Variants in DLC1 observed in about 807,000 individuals in gnomAD.
The protein encoded by DLC1 is DLC1 Rho GTPase activating protein.
A neutral mutation model predicts 140.3 loss-of-function variants in DLC1; 54 were observed. The observed-to-expected ratio is 0.38, with a 90% CI of 0.31 to 0.48. The LOEUF (loss-of-function observed/expected upper bound fraction) is 0.48. DLC1 is among the 20% of genes least tolerant of loss of function. DLC1 has a pLI of 0.96. For missense variants in DLC1, 2,536 were observed against 1,907.0 expected (o/e 1.33, Z -6.14); for synonymous variants, 986 against 728.1 (o/e 1.35, Z -5.70).
chr8:13,323,593 G>A (rs993481151), intron 4 of DLC1, among the ~76,000 whole-genome samples: 1 of 152,006 alleles, frequency 6.6e-6, no homozygotes, highest in Admixed American at 6.6e-5. Context: ...AGTGAAAGTA[G>A]GAACTATATA....
At chr8:13,441,880 A>G (rs889624451) in intron 2 of DLC1, among the ~76,000 whole-genome samples, 28 of 152,186 alleles carry the variant, frequency 1.8e-4, no homozygotes, top group Non-Finnish European at 1.0e-4. Flanking sequence ...GAACCAAAAA[A>G]GGGCCTGCAT....
chr8:13,200,116 C>T (rs576233534), intron 5 of DLC1, among the ~76,000 whole-genome samples: 47 of 152,286 alleles, frequency 3.1e-4, no homozygotes, highest in African/African-American at 1.1e-3. Flanking sequence ...GATCTCTGCT[C>T]ACTGCAACCT....
At chr8:13,158,729 A>AACCC (rs1824438267) in intron 5 of DLC1, among the ~76,000 whole-genome samples, 1 of 20,156 alleles carries the variant, frequency 5.0e-5, no homozygotes, top group Non-Finnish European at 1.0e-4. Flanking sequence ...CACAACCACC[A>AACCC]CCCTCCCCCC....
intron 1 of DLC1, among the ~76,000 whole-genome samples, chr8:13,579,978 T>C (rs1585298034): frequency 1.3e-5 from 2 of 152,192 alleles, no homozygotes; most frequent in African/African-American, 2.4e-5. Context: ...GTATCAGTCA[T>C]GGACTATGCT....
chr8:13,499,617 G>C lies in DLC1; in HGVS notation c.455C>G (p.Pro152Arg). The C allele has an allele frequency of 6.2e-7, 1 of 1,614,104 alleles. No individual in the cohort carries two copies. The highest frequency in any genetic ancestry group is 8.5e-7 in the Non-Finnish European group (1 of 1,180,006). The change falls in exon 2 of 18, where the codon CCC (proline) becomes CGC (arginine). Residue 152 changes from proline to arginine, a missense_variant. Physicochemically the swap from Pro to Arg is moderately radical, Grantham distance 103. Transcript: ENST00000276297. ...AGAAACTTGGTTACTTTGTATGATG[G>C]GCAGTGCCTTTTCTAAGGAGCCTGC... ...QGAGSLEKAL[P>R]IIQSNQVSSN... is the part of the protein sequence containing the mutation.
intron 5 of DLC1, chr8:13,304,733 C>T (rs1832346898): frequency 7.3e-6 from 7 of 960,300 alleles, no homozygotes; most frequent in Non-Finnish European, 7.4e-6. Context: ...TTTCATTTCT[C>T]ATCAGTCCTT....
chr8:13,121,342 C>T (rs1425534654), intron 5 of DLC1, among the ~76,000 whole-genome samples: 2 of 152,124 alleles, frequency 1.3e-5, no homozygotes, highest in Non-Finnish European at 2.9e-5. Context: ...CTTATCAATT[C>T]TGATGACATC....
intron 2 of DLC1, among the ~76,000 whole-genome samples, chr8:13,458,043 G>A (rs923026690): frequency 6.6e-6 from 1 of 152,162 alleles, no homozygotes; most frequent in Admixed American, 6.5e-5. Context: ...GAAAAACTGA[G>A]AGTATGTGAA....
At chr8:13,416,020 G>GA (rs1471329342) in intron 2 of DLC1, among the ~76,000 whole-genome samples, 1 of 152,044 alleles carries the variant, frequency 6.6e-6, no homozygotes, top group Non-Finnish European at 1.5e-5. Flanking sequence ...TTGTGAAAAG[G>GA]AAAAAAGCCT....
At position 13,523,191 on chromosome 8, in the gene DLC1, A is replaced by G. The variant is rs538028143; in HGVS notation, c.-125-22995T>C. ...AGTAGGGAGACCAGGTCACTGTGGT[A>G]ATCCAGGTGAGAGATGATGGATAGT... is the stretch of plus-strand genomic sequence containing the variant. On this transcript the variant is annotated intron_variant, in intron 1 of 1. Coordinates refer to the DLC1 transcript ENST00000631382. Among the ~76,000 whole-genome samples, 11 of 152,332 alleles carry G rather than the reference A, an allele frequency of 7.2e-5. No homozygotes were observed. In the South Asian group the frequency reaches 1.7e-3, roughly 23 times the overall value.
chr8:13,089,517 C>T (rs113251369), intron 15 of DLC1, among the ~76,000 whole-genome samples: 1 of 151,712 alleles, frequency 6.6e-6, no homozygotes, highest in Non-Finnish European at 1.5e-5. Context: ...GCCAGCTACT[C>T]GGGAGGCTGA....
chr8:13,547,632 T>C (rs774855116), intron 1 of DLC1, among the ~76,000 whole-genome samples: 2 of 152,122 alleles, frequency 1.3e-5, no homozygotes, highest in Non-Finnish European at 2.9e-5. Flanking sequence ...ACACAGTTTA[T>C]GCATTAAGAA....
intron 1 of DLC1, among the ~76,000 whole-genome samples, chr8:13,548,397 A>C (rs1436865498): frequency 6.6e-6 from 1 of 152,004 alleles, no homozygotes; most frequent in African/African-American, 2.4e-5. Flanking sequence ...AATTGAATTA[A>C]TGAATTAGTT....
At chr8:13,416,788 G>GTAGAGATTCTGGTGGCACA (rs1223020696) in intron 2 of DLC1, among the ~76,000 whole-genome samples, 20 of 152,098 alleles carry the variant, frequency 1.3e-4, no homozygotes, top group African/African-American at 4.8e-4. Context: ...AGAGATTCTG[G>GTAGAGATTCTGGTGGCACA]TTTGACATTT....
chr8:13,137,199 G>A (rs943839164), intron 5 of DLC1, among the ~76,000 whole-genome samples: 20 of 152,166 alleles, frequency 1.3e-4, no homozygotes, highest in African/African-American at 4.8e-4. Context: ...AGGGTCCCCA[G>A]GCCCCTCAGT....
intron 5 of DLC1, among the ~76,000 whole-genome samples, chr8:13,278,664 C>G (rs975885914): frequency 6.6e-6 from 1 of 152,144 alleles, no homozygotes; most frequent in Non-Finnish European, 1.5e-5. Flanking sequence ...AAGTTAGGGA[C>G]ACACAGTCAC....
At chr8:13,137,528 A>C (rs1259603858) in intron 5 of DLC1, among the ~76,000 whole-genome samples, 2 of 151,690 alleles carry the variant, frequency 1.3e-5, no homozygotes, top group Non-Finnish European at 2.9e-5. Flanking sequence ...ATGATTTGGC[A>C]ACAAGACCTG....
chr8:13,356,053 G>A (rs577192121), intron 4 of DLC1, among the ~76,000 whole-genome samples: 3 of 113,928 alleles, frequency 2.6e-5, no homozygotes, highest in South Asian at 6.1e-4. Flanking sequence ...TCGCGCCACT[G>A]CACTGCAGCC....
chr8:13,316,592 C>T (rs1424445094), intron 4 of DLC1, among the ~76,000 whole-genome samples: 1 of 152,024 alleles, frequency 6.6e-6, no homozygotes, highest in Admixed American at 6.6e-5. Flanking sequence ...TAGAAGGAGA[C>T]AGAAGGGGAG....
Sources: gnomAD v4.1 joint callset for allele counts (sites outside exome capture counted in the v4.1 genomes callset) on GRCh38, gnomAD v4.1.1 for gene constraint, MANE v1.5 for transcripts, NCBI Gene and HGNC (gene_info 2026-07-23, HGNC 2026-07-21) for gene names.